The following CUX2 variants were observed in gnomAD, a reference collection of about 807,000 sequenced individuals.
The protein encoded by CUX2 is homeobox protein cut-like 2.
In CUX2, 40 loss-of-function variants were observed where a neutral mutation model predicts 144.8. That is an observed-to-expected ratio of 0.28 (90% CI 0.21 to 0.36). CUX2 has a LOEUF of 0.36. CUX2 is among the 10% of genes least tolerant of loss of function. The pLI is 1.00. For missense variants in CUX2, 1,615 were observed against 1,994.0 expected (o/e 0.81, Z 3.62); for synonymous variants, 827 against 875.6 (o/e 0.94, Z 0.98).
At chr12:111,159,327 TTC>T (rs201467840) in intron 1 of CUX2, among the ~76,000 whole-genome samples, 43,041 of 149,888 alleles carry the variant, frequency 0.29, 8,908 homozygotes, top group African/African-American at 0.58. Context: ...TTTTTTTTTT[TTC>T]CTAGAGAGAG....
chr12:111,262,275 C>T (rs1317023590), intron 3 of CUX2, among the ~76,000 whole-genome samples: 1 of 151,982 alleles, frequency 6.6e-6, no homozygotes, highest in African/African-American at 2.4e-5. Flanking sequence ...GCTCAGGAAA[C>T]ATTTGTTGAG....
Position 111,220,937 on chromosome 12 carries a change from TAA to T in CUX2, c.222+3023_222+3024del, listed in dbSNP as rs1162004039. On this transcript the variant is annotated intron_variant, in intron 3 of 21. Coordinates refer to ENST00000261726, the MANE Select transcript of CUX2 (RefSeq NM_015267.4). ...GGCAACAGAGCGAGACCTGGTCTCT[TAA>T]AAAAAAAAAAAAAAAAAAAAAAGGA... Among the ~76,000 whole-genome samples the T allele has an allele frequency of 3.7e-3, 341 of 92,062 alleles. 2 individuals carry two copies. The highest frequency in any genetic ancestry group is 0.013 in the East Asian group (39 of 3,092). The allele number at this position is 92,062 out of a possible 152,430, so 60.4% of individuals were successfully genotyped here. A position where few individuals can be genotyped will look rare whatever the true frequency, so the allele number is the denominator to read the frequency against.
At chr12:111,195,676 A>C (rs920359716) in intron 1 of CUX2, among the ~76,000 whole-genome samples, 9 of 152,166 alleles carry the variant, frequency 5.9e-5, no homozygotes, top group African/African-American at 1.9e-4. Context: ...GGATACTGGT[A>C]ATCACCGTAG....
Position 111,214,216 on chromosome 12 carries a change from T to A in CUX2, c.80T>A (p.Val27Asp). 1.9e-6 allele frequency: 3 copies of A among 1,551,632 alleles called. No homozygotes were observed. Among genetic ancestry groups the A allele is most frequent in the Non-Finnish European group, 2.6e-6 (3 of 1,150,750 alleles). ...LRRLQKELNSVASELSARQEE... is the reference protein window; with the variant it reads ...LRRLQKELNSDASELSARQEE... ...TTGTTCCAGAAGGAGCTTAATTCCG[T>A]CGCTTCTGAGCTGTCTGCACGGCAG... is the stretch of plus-strand genomic sequence containing the variant. Residue 27 changes from valine (V) to aspartate (D), a missense_variant, in exon 2 of 22, where the codon GTC becomes GAC. By Grantham distance (152) the Val-to-Asp change is radical. Around this residue, in one of 12 missense-constraint regions of CUX2, gnomAD observed 64 missense variants for 64.9 expected, o/e 0.99. Transcript: ENST00000261726.
intron 16 of CUX2, among the ~76,000 whole-genome samples, chr12:111,314,004 C>T (rs903176103): frequency 1.3e-5 from 2 of 152,102 alleles, no homozygotes; most frequent in Non-Finnish European, 2.9e-5. Context: ...CGCCAGGAGC[C>T]GAGATGTTTC....
At chr12:111,081,826 G>C (rs1024431549) in intron 1 of CUX2, among the ~76,000 whole-genome samples, 5 of 152,124 alleles carry the variant, frequency 3.3e-5, no homozygotes, top group Admixed American at 3.3e-4. Flanking sequence ...TGTCTTCCAC[G>C]AGCTTCCGCC....
At chr12:111,238,937 C>T (rs1053184080) in intron 3 of CUX2, among the ~76,000 whole-genome samples, 1 of 152,250 alleles carries the variant, frequency 6.6e-6, no homozygotes. Flanking sequence ...CTCAGCTACT[C>T]GGGAGGCTGA....
intron 3 of CUX2, among the ~76,000 whole-genome samples, chr12:111,245,111 C>T (rs1883216398): frequency 6.6e-6 from 1 of 152,212 alleles, no homozygotes; most frequent in Non-Finnish European, 1.5e-5. Flanking sequence ...GGGGATACAG[C>T]ACCATTTGTA....
intron 3 of CUX2, among the ~76,000 whole-genome samples, chr12:111,240,612 AAAG>A (rs1462340666): frequency 1.9e-4 from 29 of 152,182 alleles, no homozygotes; most frequent in Non-Finnish European, 1.5e-5. Context: ...TTAGGGGAGG[AAAG>A]AAGATCACAA....
At chr12:111,283,727 G>A (rs567157586) in intron 4 of CUX2, among the ~76,000 whole-genome samples, 14 of 152,082 alleles carry the variant, frequency 9.2e-5, no homozygotes, top group African/African-American at 3.4e-4. Context: ...GGGGAAGTCA[G>A]TGTTCCCCAA....
At chr12:111,252,888 C>A (rs1456419905) in intron 3 of CUX2, among the ~76,000 whole-genome samples, 1 of 151,268 alleles carries the variant, frequency 6.6e-6, no homozygotes, top group African/African-American at 2.4e-5. Flanking sequence ...ATAGGGAGAC[C>A]CCCATCTCTA....
intron 1 of CUX2, among the ~76,000 whole-genome samples, chr12:111,179,722 G>A (rs1269126049): frequency 1.3e-5 from 2 of 151,780 alleles, no homozygotes; most frequent in Non-Finnish European, 2.9e-5. Context: ...TGTACCCCAG[G>A]CTGGAGTGCA....
chr12:111,090,818 C>T (rs955442897), intron 1 of CUX2, among the ~76,000 whole-genome samples: 2 of 152,104 alleles, frequency 1.3e-5, no homozygotes, highest in African/African-American at 4.8e-5. Context: ...TGCTACTTCT[C>T]ACTCTCTCTG....
rs909697018 is a variant in CUX2 at position 111,114,220 on chromosome 12, C to CT, written c.63+79980_63+79981insT. Reference sequence around the variant, plus strand: ...TTCTACCAGTAACATATGAGAGTTTCAGTTGCTCTACAAGCTCACCAGCAT... The same window carrying CT: ...TTCTACCAGTAACATATGAGAGTTTCTAGTTGCTCTACAAGCTCACCAGCAT... On this transcript the variant is annotated intron_variant, in intron 1 of 21. Coordinates refer to ENST00000261726, the MANE Select transcript of CUX2 (RefSeq NM_015267.4). Among the ~76,000 whole-genome samples the CT allele has an allele frequency of 1.9e-4, 29 of 152,204 alleles. 1 individual carries two copies. Among genetic ancestry groups the CT allele is most frequent in the Admixed American group, 1.8e-3 (28 of 15,280 alleles).
chr12:111,273,195 T>C (rs535787540), intron 4 of CUX2, among the ~76,000 whole-genome samples: 7 of 152,306 alleles, frequency 4.6e-5, no homozygotes, highest in African/African-American at 1.7e-4. Flanking sequence ...GGGAGGCCTT[T>C]GGACCTGGTT....
intron 1 of CUX2, among the ~76,000 whole-genome samples, chr12:111,130,542 A>G (rs1031382849): frequency 6.6e-6 from 1 of 152,208 alleles, no homozygotes; most frequent in Non-Finnish European, 1.5e-5. Flanking sequence ...TCCCATGGTA[A>G]GGATTGGCTT....
At position 111,073,854 on chromosome 12, in the gene CUX2, C is replaced by T. The variant is rs1030581976; in HGVS notation, c.63+39614C>T. Among the ~76,000 whole-genome samples, 6 of 151,802 alleles carry T rather than the reference C, an allele frequency of 4.0e-5. 1 individual carries two copies. Among genetic ancestry groups the T allele is most frequent in the South Asian group, 2.1e-4 (1 of 4,812 alleles). The stretch of plus-strand genomic sequence containing the variant: ...CAAGCGCCTGTAGTTCTAGCTACTC[C>T]GGAGGCTGAGGCAGGAGAATGTCTT... On this transcript the variant is annotated intron_variant, in intron 1 of 21. Transcript: ENST00000261726.
At chr12:111,250,168 A>T (rs1883495093) in intron 3 of CUX2, among the ~76,000 whole-genome samples, 1 of 152,122 alleles carries the variant, frequency 6.6e-6, no homozygotes, top group African/African-American at 2.4e-5. Context: ...GAATCACAGC[A>T]CATTCAGGTG....
At chr12:111,170,466 G>T (rs549140761) in intron 1 of CUX2, among the ~76,000 whole-genome samples, 1 of 146,284 alleles carries the variant, frequency 6.8e-6, no homozygotes, top group South Asian at 2.1e-4. Context: ...TGCCCCCACC[G>T]TGGATCACAG....
Sources: gnomAD v4.1 joint callset for allele counts (sites outside exome capture counted in the v4.1 genomes callset) on GRCh38, gnomAD v4.1.1 for gene constraint, gnomAD v4.1.1 regional missense constraint, MANE v1.5 for transcripts, NCBI Gene and HGNC (gene_info 2026-07-23, HGNC 2026-07-21) for gene names.